The following MIGA1 variants were observed in gnomAD, a reference collection of about 807,000 sequenced individuals.
MIGA1 encodes mitoguardin 1.
A neutral mutation model predicts 82.0 loss-of-function variants in MIGA1; 58 were observed. That is an observed-to-expected ratio of 0.71 (90% CI 0.57 to 0.88). The LOEUF is 0.88. Among genes scored for constraint, MIGA1 ranks in the 40% least tolerant of loss-of-function variants. The probability of loss-of-function intolerance (pLI) is 0.00; values close to 1 mark genes in which losing one functional copy is unlikely to be tolerated. For missense variants in MIGA1, 751 were observed against 749.1 expected, an observed-to-expected ratio of 1.00 and a Z score of -0.03; for synonymous variants, 249 against 253.6, an observed-to-expected ratio of 0.98 and a Z score of 0.17.
intron 7 of MIGA1, among the ~76,000 whole-genome samples, chr1:77,841,592 TG>T (rs1460315856): frequency 6.6e-6 from 1 of 151,250 alleles, no homozygotes; most frequent in East Asian, 1.9e-4. Context: ...CCATACTTCC[TG>T]GGTAGAGTCA....
In MIGA1 at chr1:77,813,835, G is replaced by A; in HGVS notation, c.739G>A (p.Ala247Thr). 1 of 1,614,200 alleles carries A rather than the reference G, an allele frequency of 6.2e-7. No homozygotes were observed. The highest frequency in any genetic ancestry group is 8.5e-7 in the Non-Finnish European group (1 of 1,180,024). Residue 247 changes from alanine to threonine, a missense_variant, in exon 6 of 16, where the codon GCA becomes ACA. Coordinates refer to ENST00000370791, the MANE Select transcript of MIGA1 (RefSeq NM_198549.4). ...AGCCTGTGGTTCCATTAAACTGGGT[G>A]CAGGAGATGCCATTGCTGAAGAAAA... is the stretch of plus-strand genomic sequence containing the variant.
chr1:77,795,227 G>A (rs1682604551), intron 2 of MIGA1, among the ~76,000 whole-genome samples: 1 of 152,194 alleles, frequency 6.6e-6, no homozygotes, highest in Admixed American at 6.5e-5. Flanking sequence ...GCCTCTCAAA[G>A]TGCTGGGATT....
intron 7 of MIGA1, among the ~76,000 whole-genome samples, chr1:77,832,051 A>G (rs998555444): frequency 6.6e-6 from 1 of 152,202 alleles, no homozygotes; most frequent in Non-Finnish European, 1.5e-5. Flanking sequence ...CTTCCTGTGA[A>G]GAGTAGTATA....
At chr1:77,813,117 G>A (rs1003011100) in intron 5 of MIGA1, among the ~76,000 whole-genome samples, 1 of 152,184 alleles carries the variant, frequency 6.6e-6, no homozygotes, top group Non-Finnish European at 1.5e-5. Flanking sequence ...GAGTAGCCAT[G>A]ATTACAGGCA....
In MIGA1 at chr1:77,811,672, A is replaced by G. The variant is rs1683335533; in HGVS notation, c.638-2062A>G. On this transcript the variant is annotated intron_variant, in intron 5 of 15. Transcript: ENST00000370791. ...CTCCTTTTGTAGATGTCTTGCTAAT[A>G]TCTGATACTCGTCTATCGCCTCCAC... 4.3e-6 allele frequency: 7 copies of G among 1,612,042 alleles called. No homozygotes were observed. In the South Asian group the frequency reaches 7.7e-5, roughly 18 times the overall value.
At chr1:77,842,789 G>A (rs917487330) in intron 7 of MIGA1, among the ~76,000 whole-genome samples, 1 of 152,210 alleles carries the variant, frequency 6.6e-6, no homozygotes, top group Middle Eastern at 3.2e-3. Flanking sequence ...TGATCTGCCT[G>A]CCTCAGCCTC....
chr1:77,847,284 A>G (rs189186332), intron 8 of MIGA1: 1 of 950,102 alleles, frequency 1.1e-6, no homozygotes, highest in African/African-American at 1.6e-5. Context: ...AACAGACCAA[A>G]CTGGAATCCA....
At chr1:77,830,655 A>G (rs1272701687) in intron 7 of MIGA1, among the ~76,000 whole-genome samples, 1 of 152,018 alleles carries the variant, frequency 6.6e-6, no homozygotes, top group Non-Finnish European at 1.5e-5. Flanking sequence ...GTCTGAAGAG[A>G]GCTGTGTCAG....
chr1:77,805,670 C>T (rs935515014), intron 4 of MIGA1, among the ~76,000 whole-genome samples: 3 of 151,860 alleles, frequency 2.0e-5, no homozygotes, highest in Admixed American at 6.6e-5. Flanking sequence ...GCTGGGATTA[C>T]AGGCGTGCAC....
rs1557933872 is a variant in MIGA1 at position 77,861,254 on chromosome 1, G to T, written c.1306G>T (p.Glu436Ter). 2 of 1,613,040 alleles carry T rather than the reference G, an allele frequency of 1.2e-6. No individual in the cohort carries two copies. The highest frequency in any genetic ancestry group is 1.7e-6 in the Non-Finnish European group (2 of 1,179,340). Residue 436 changes from glutamate to a stop codon, truncating the protein, a stop_gained, in exon 12 of 16, where the codon GAA becomes TAA. Coordinates refer to ENST00000370791, the MANE Select transcript of MIGA1 (RefSeq NM_198549.4). LOFTEE classifies it high-confidence loss of function. ...AAAGAAGTTTGAAGATGTTTTTGAT[G>T]AAATGATCTATTTTTTAGAGCAGAC... is the stretch of plus-strand genomic sequence containing the variant.
chr1:77,844,850 T>C (rs1684777568), intron 8 of MIGA1, among the ~76,000 whole-genome samples: 1 of 152,166 alleles, frequency 6.6e-6, no homozygotes, highest in African/African-American at 2.4e-5. Flanking sequence ...GGCATGGTGG[T>C]GCATGCCTGT....
At chr1:77,801,604 A>G in intron 3 of MIGA1, 96 bp downstream of exon 3, 2 of 1,032,224 alleles carry the variant, frequency 1.9e-6, no homozygotes, top group Non-Finnish European at 1.3e-6. Flanking sequence ...TTTTCTTCCT[A>G]ATATATTATT....
At chr1:77,814,118 G>A (rs887464088) in intron 6 of MIGA1, among the ~76,000 whole-genome samples, 1 of 151,788 alleles carries the variant, frequency 6.6e-6, no homozygotes, top group African/African-American at 2.4e-5. Context: ...CGAACTCCTG[G>A]CCTCAGGCAG....
At chr1:77,802,123 C>T (rs762176775) in intron 3 of MIGA1, among the ~76,000 whole-genome samples, 100 of 152,018 alleles carry the variant, frequency 6.6e-4, no homozygotes, top group Non-Finnish European at 1.3e-3. Context: ...AAAAATAATT[C>T]CTTAAACATG....
At chr1:77,817,954 G>GCTT (rs1683633988) in intron 7 of MIGA1, among the ~76,000 whole-genome samples, 1 of 121,698 alleles carries the variant, frequency 8.2e-6, no homozygotes, top group Non-Finnish European at 1.8e-5. Flanking sequence ...AAGATTGGAA[G>GCTT]ATTTTTTTTT....
chr1:77,822,740 A>G (rs1683866846), intron 7 of MIGA1, among the ~76,000 whole-genome samples: 1 of 152,062 alleles, frequency 6.6e-6, no homozygotes, highest in Non-Finnish European at 1.5e-5. Context: ...TAAGGATTCT[A>G]CTTATTATAC....
At chr1:77,786,845 G>C (rs1322824526) in intron 2 of MIGA1, among the ~76,000 whole-genome samples, 2 of 152,178 alleles carry the variant, frequency 1.3e-5, no homozygotes, top group African/African-American at 4.8e-5. Context: ...ACCTCTGCCT[G>C]TTATCCCGTT....
chr1:77,866,319 T>G lies in MIGA1; in HGVS notation c.1510-19T>G. The G allele has an allele frequency of 6.2e-7, 1 of 1,612,780 alleles. No homozygotes were observed. The highest frequency in any genetic ancestry group is 8.5e-7 in the Non-Finnish European group (1 of 1,178,822). On this transcript the variant is annotated intron_variant, in intron 13 of 15. Transcript: ENST00000370791. ...TATATAGCTATATATAAATCTTTCT[T>G]TTCTCTGCATGTATTTAGGCTGTGG...
chr1:77,822,779 G>C (rs57262547), intron 7 of MIGA1, among the ~76,000 whole-genome samples: 1 of 150,120 alleles, frequency 6.7e-6, no homozygotes, highest in Non-Finnish European at 1.5e-5. Context: ...AGAGTAGTTT[G>C]CCAACTTAAC....
Sources: gnomAD v4.1 joint callset for allele counts (sites outside exome capture counted in the v4.1 genomes callset) on GRCh38, gnomAD v4.1.1 for gene constraint, MANE v1.5 for transcripts, NCBI Gene and HGNC (gene_info 2026-07-23, HGNC 2026-07-21) for gene names.